The following TBC1D8 variants were observed in gnomAD, a reference collection of about 807,000 sequenced individuals.
TBC1D8 encodes the protein TBC1 domain family member 8.
A neutral mutation model predicts 118.8 loss-of-function variants in TBC1D8; 65 were observed. That is an observed-to-expected ratio of 0.55 (90% CI 0.45 to 0.67). The LOEUF is 0.67. Among genes scored for constraint, TBC1D8 ranks in the 30% least tolerant of loss-of-function variants. The pLI is 0.00. For synonymous variants in TBC1D8, 566 were observed against 595.8 expected (o/e 0.95, Z 0.73); for missense variants, 1,376 against 1,471.2 (o/e 0.94, Z 1.06).
chr2:101,052,465 T>G (rs1682134017), intron 4 of TBC1D8, among the ~76,000 whole-genome samples: 1 of 143,148 alleles, frequency 7.0e-6, no homozygotes, highest in African/African-American at 2.6e-5. Flanking sequence ...AGGAATCATT[T>G]ATTTTTCCTA....
chr2:101,063,434 A>G (rs760666622), intron 2 of TBC1D8, among the ~76,000 whole-genome samples: 2 of 152,178 alleles, frequency 1.3e-5, no homozygotes, highest in Non-Finnish European at 2.9e-5. Context: ...GTTCCAATCT[A>G]CCCTGCTCCT....
intron 1 of TBC1D8, among the ~76,000 whole-genome samples, chr2:101,099,575 C>G (rs186083504): frequency 6.6e-6 from 1 of 152,314 alleles, no homozygotes; most frequent in Admixed American, 6.5e-5. Context: ...AAACTTCAGA[C>G]CAATATCCCT....
chr2:101,140,271 A>G lies in TBC1D8; in HGVS notation c.127+10856T>C, dbSNP rs1679043306. Among the ~76,000 whole-genome samples the G allele has an allele frequency of 2.0e-5, 3 of 152,294 alleles. No homozygotes were observed. The South Asian group carries it at 6.2e-4, about 32-fold the overall frequency. ...ACTGAGAGAGGGAATAAAATCCAGA[A>G]TAGATATCTTTAATTTCAAATAAAA... On this transcript the variant is annotated intron_variant, in intron 1 of 19. Coordinates refer to ENST00000409318, the MANE Select transcript of TBC1D8 (RefSeq NM_001330348.2).
At chr2:101,029,825 T>G in intron 11 of TBC1D8, 49 bp from the exon 12 acceptor site, 2 of 1,559,284 alleles carry the variant, frequency 1.3e-6, no homozygotes, top group Non-Finnish European at 1.7e-6. Flanking sequence ...ACTCACTCTC[T>G]AAGGTCAGTC....
intron 6 of TBC1D8, 115 bp downstream of exon 6, chr2:101,040,063 G>C (rs1681281057): frequency 2.5e-6 from 3 of 1,224,118 alleles, no homozygotes; most frequent in African/African-American, 1.5e-5. Context: ...TCCATCTTTA[G>C]ATGGCAAAAC....
chr2:101,063,171 T>C (rs1027848548), intron 2 of TBC1D8, among the ~76,000 whole-genome samples: 1 of 152,192 alleles, frequency 6.6e-6, no homozygotes, highest in Admixed American at 6.5e-5. Flanking sequence ...CGCATGCGTC[T>C]TCCTCAATGA....
intron 11 of TBC1D8, among the ~76,000 whole-genome samples, chr2:101,031,404 A>C (rs753475): frequency 0.19 from 29,228 of 152,034 alleles, 3,195 homozygotes; most frequent in East Asian, 0.41. Context: ...AGTCCTTAGG[A>C]CACAGTCTTC....
At chr2:101,105,592 TA>T (rs55649821) in intron 1 of TBC1D8, among the ~76,000 whole-genome samples, 215 of 124,652 alleles carry the variant, frequency 1.7e-3, no homozygotes, top group African/African-American at 3.2e-3. Context: ...TGTCTCAAAT[TA>T]AAAAAAAAAA....
intron 2 of TBC1D8, among the ~76,000 whole-genome samples, chr2:101,082,481 A>T (rs577581075): frequency 6.6e-6 from 1 of 152,232 alleles, no homozygotes; most frequent in South Asian, 2.1e-4. Flanking sequence ...AGCTCCTAGG[A>T]TTTTGCTCTC....
At chr2:101,084,446 G>A (rs529740761) in intron 2 of TBC1D8, among the ~76,000 whole-genome samples, 124 of 152,300 alleles carry the variant, frequency 8.1e-4, no homozygotes, top group Non-Finnish European at 7.8e-4. Context: ...AGCTATTCAG[G>A]AGGCTGAGGC....
At position 101,036,012 on chromosome 2, in the gene TBC1D8, G is replaced by A. The variant is rs376298833; in HGVS notation, c.1603+6C>T. On this transcript the variant is annotated splice_donor_region_variant and intron_variant, in intron 9 of 19. Transcript: ENST00000409318. ...CAATTAGCTTCGAGACACCAAGAGC[G>A]CTTACCTGAGAAGAGAAGCCAGAGT... 114 of 1,613,776 alleles carry A rather than the reference G, an allele frequency of 7.1e-5. No homozygotes were observed. The highest frequency in any genetic ancestry group is 9.1e-5 in the Non-Finnish European group (107 of 1,179,788).
chr2:101,112,667 C>T (rs2104212120), intron 1 of TBC1D8, among the ~76,000 whole-genome samples: 1 of 152,310 alleles, frequency 6.6e-6, no homozygotes, highest in South Asian at 2.1e-4. Flanking sequence ...GAATGGAGGC[C>T]TGACTGCTCA....
intron 2 of TBC1D8, among the ~76,000 whole-genome samples, chr2:101,072,070 A>C (rs1674487851): frequency 6.6e-6 from 1 of 152,232 alleles, no homozygotes; most frequent in South Asian, 2.1e-4. Context: ...GTACATCTTC[A>C]TCAAGCTCTT....
At chr2:101,089,950 AG>A (rs1675910019) in intron 2 of TBC1D8, among the ~76,000 whole-genome samples, 1 of 129,224 alleles carries the variant, frequency 7.7e-6, no homozygotes, top group South Asian at 2.7e-4. Flanking sequence ...AAAAGATGGG[AG>A]GGGAAAGCAA....
At chr2:101,135,982 C>T (rs1341108468) in intron 1 of TBC1D8, among the ~76,000 whole-genome samples, 4 of 152,188 alleles carry the variant, frequency 2.6e-5, no homozygotes, top group Non-Finnish European at 5.9e-5. Flanking sequence ...CCTCAGCCTC[C>T]CAAGTAGCTG....
intron 1 of TBC1D8, among the ~76,000 whole-genome samples, chr2:101,109,541 G>T: frequency 6.6e-6 from 1 of 152,226 alleles, no homozygotes. Flanking sequence ...TACTTAGTCC[G>T]TCCTTTTATA....
Position 101,036,060 on chromosome 2 carries a change from T to C in TBC1D8, c.1561A>G (p.Ile521Val). The change falls in exon 9 of 20, where the codon ATC becomes GTC. Residue 521 changes from isoleucine (I) to valine (V), a missense_variant. Physicochemically the swap from Ile to Val is conservative, Grantham distance 29. Coordinates refer to ENST00000409318, the MANE Select transcript of TBC1D8 (RefSeq NM_001330348.2). ...EKIRKLVAMG[I>V]PESLRGRLWL... ...AGTCTCCCTCGCAAAGATTCAGGGA[T>C]GCCCATGGCTACGAGCTTCCGAATC... 5 of 1,614,042 alleles carry C rather than the reference T, an allele frequency of 3.1e-6. No individual in the cohort carries two copies. The highest frequency in any genetic ancestry group is 4.2e-6 in the Non-Finnish European group (5 of 1,179,904).
At chr2:101,037,860 AG>A (rs1410114347) in intron 7 of TBC1D8, among the ~76,000 whole-genome samples, 152 bp from the exon 8 acceptor site, 1 of 152,138 alleles carries the variant, frequency 6.6e-6, no homozygotes, top group Admixed American at 6.5e-5. Context: ...CAGACCAGAC[AG>A]GGCTCCTAGG....
At chr2:101,120,275 G>A (rs1359492387) in intron 1 of TBC1D8, among the ~76,000 whole-genome samples, 4 of 152,152 alleles carry the variant, frequency 2.6e-5, no homozygotes, top group East Asian at 1.9e-4. Context: ...TCATGTGCCC[G>A]GCCTTCCCGG....
Sources: allele counts gnomAD v4.1 joint callset (sites outside exome capture counted in the v4.1 genomes callset), GRCh38; gene constraint gnomAD v4.1.1; transcripts MANE v1.5; gene names NCBI Gene and HGNC (gene_info 2026-07-23, HGNC 2026-07-21).